Variants in ANKDD1A observed in about 807,000 individuals in gnomAD.
ANKDD1A encodes the protein ankyrin repeat and death domain-containing protein 1A.
A neutral mutation model predicts 63.5 loss-of-function variants in ANKDD1A; 59 were observed. That is an observed-to-expected ratio of 0.93 (90% CI 0.75 to 1.15). ANKDD1A has a LOEUF of 1.15. Ranked by LOEUF, ANKDD1A falls within the 50% of genes most tolerant of loss-of-function variation. The pLI is 0.00. For missense variants in ANKDD1A, 632 were observed against 656.4 expected (o/e 0.96, Z 0.41); for synonymous variants, 266 against 263.9 (o/e 1.01, Z -0.08).
intron 14 of ANKDD1A, among the ~76,000 whole-genome samples, chr15:64,952,120 TTCTC>T (rs1427841598): frequency 9.9e-4 from 9 of 9,118 alleles, no homozygotes; most frequent in East Asian, 0.029. Flanking sequence ...TTCTTCTTTC[TTCTC>T]TTTCTTCTTC....
chr15:64,924,531 C>G (rs2085031755), intron 4 of ANKDD1A, among the ~76,000 whole-genome samples: 1 of 152,252 alleles, frequency 6.6e-6, no homozygotes, highest in Admixed American at 6.5e-5. Flanking sequence ...CCTATAGATG[C>G]CACAGGCCCA....
intron 14 of ANKDD1A, among the ~76,000 whole-genome samples, chr15:64,952,862 T>TCTTC (rs1425661060): frequency 1.6e-3 from 9 of 5,456 alleles, no homozygotes; most frequent in Admixed American, 3.3e-3. Context: ...TTCTCCTTCT[T>TCTTC]CTTTTCTTCT....
intron 14 of ANKDD1A, among the ~76,000 whole-genome samples, chr15:64,951,801 CTCT>C (rs1295459778): frequency 2.3e-4 from 24 of 103,308 alleles, no homozygotes; most frequent in Admixed American, 1.1e-3. Context: ...TCTTTCTTTC[CTCT>C]TTTCTTCTTT....
intron 4 of ANKDD1A, among the ~76,000 whole-genome samples, chr15:64,925,227 CAAAAAAA>C (rs769786433): frequency 2.3e-5 from 1 of 42,598 alleles, no homozygotes; most frequent in Non-Finnish European, 5.2e-5. Context: ...GACTCCGACT[CAAAAAAA>C]AAAAAAAAAA....
intron 13 of ANKDD1A, among the ~76,000 whole-genome samples, chr15:64,948,437 G>A (rs995560130): frequency 6.6e-6 from 1 of 152,122 alleles, no homozygotes; most frequent in Non-Finnish European, 1.5e-5. Context: ...AGAATAAACA[G>A]GGATATAAAA....
intron 12 of ANKDD1A, among the ~76,000 whole-genome samples, chr15:64,945,645 T>TG (rs1467898918): frequency 7.5e-6 from 1 of 132,994 alleles, no homozygotes; most frequent in African/African-American, 2.8e-5. Context: ...CTTTTTTTTT[T>TG]TTTTTGAGAC....
chr15:64,931,351 T>C (rs895681377), intron 7 of ANKDD1A, 136 bp from the exon 8 acceptor site: 1 of 733,654 alleles, frequency 1.4e-6, no homozygotes, highest in African/African-American at 1.8e-5. Context: ...AAGTTCATTG[T>C]TCCCAGGGGC....
At chr15:64,918,953 C>A (rs77017144) in intron 3 of ANKDD1A, among the ~76,000 whole-genome samples, 69 of 132,338 alleles carry the variant, frequency 5.2e-4, no homozygotes, top group African/African-American at 1.3e-3. Context: ...GACTCTGTCT[C>A]AAAAAAAAAA....
In ANKDD1A at chr15:64,921,980, C is replaced by G. The variant is rs1379799483; in HGVS notation, c.327C>G (p.Ile109Met). Reference sequence around the variant, plus strand: ...TCGGCCACTTACGAATCCTCCAGATCTTGGTAAACTCAGGGGCCAAGATCC... The same window carrying G: ...TCGGCCACTTACGAATCCTCCAGATGTTGGTAAACTCAGGGGCCAAGATCC... ...AWFGHLRILQILVNSGAKIHC... is the reference protein window; with the variant it reads ...AWFGHLRILQMLVNSGAKIHC... The change falls in exon 4 of 15, where the codon ATC (isoleucine) becomes ATG (methionine). Residue 109 changes from isoleucine to methionine, a missense_variant. Transcript: ENST00000319580. The G allele has an allele frequency of 9.9e-6, 16 of 1,614,200 alleles. No homozygotes were observed. In the South Asian group the frequency reaches 1.2e-4, roughly 12 times the overall value.
chr15:64,958,396 G>A lies in ANKDD1A; in HGVS notation c.*1208G>A, dbSNP rs553314795. On this transcript the variant is annotated 3_prime_UTR_variant, in exon 15 of 15. Transcript: ENST00000319580. ...ACACTGATGCCAGATGTTAATAATC[G>A]GGGAAACTGTGTGTGCTGAAGAGTA... The A allele has an allele frequency of 6.6e-5, 10 of 152,248 alleles. No homozygotes were observed. Among genetic ancestry groups the A allele is most frequent in the African/African-American group, 1.4e-4 (6 of 41,522 alleles). The allele number at this position is 152,248 out of a possible 1,614,324, so 9.4% of individuals were successfully genotyped here. A position where few individuals can be genotyped will look rare whatever the true frequency, so the allele number is the denominator to read the frequency against.
In ANKDD1A at chr15:64,931,536, G is replaced by A; in HGVS notation, c.719G>A (p.Cys240Tyr). The change falls in exon 8 of 15, where the codon TGT (cysteine) becomes TAT (tyrosine). Residue 240 changes from cysteine to tyrosine, a missense_variant. Cys to Tyr is a radical substitution (Grantham distance 194). Transcript: ENST00000319580. ...GCTGCTGGAGGATCCCACCCTGACT[G>A]TGTGCAGCTCCTCCTCAGGGCTGGG... ...HSAAGGSHPDCVQLLLRAGST... is the reference protein window; with the variant it reads ...HSAAGGSHPDYVQLLLRAGST... 3.7e-6 allele frequency: 6 copies of A among 1,614,116 alleles called. No individual in the cohort carries two copies. The highest frequency in any genetic ancestry group is 5.1e-6 in the Non-Finnish European group (6 of 1,180,016).
intron 10 of ANKDD1A, 106 bp from the exon 11 acceptor site, chr15:64,943,378 G>GCC: frequency 1.1e-6 from 1 of 896,034 alleles, no homozygotes; most frequent in African/African-American, 1.7e-5. Flanking sequence ...CTGCATTAAA[G>GCC]AAAAGACTAG....
intron 8 of ANKDD1A, among the ~76,000 whole-genome samples, chr15:64,933,644 C>A (rs2085106407): frequency 6.6e-6 from 1 of 152,214 alleles, no homozygotes; most frequent in Non-Finnish European, 1.5e-5. Context: ...GAGTTCAAGA[C>A]CAGCCTGGCC....
chr15:64,950,255 C>T, intron 14 of ANKDD1A: 1 of 985,398 alleles, frequency 1.0e-6, no homozygotes. Context: ...CCTTACCAGC[C>T]CTCTATACCT....
chr15:64,922,148 T>G, intron 4 of ANKDD1A, 129 bp downstream of exon 4: 1 of 730,170 alleles, frequency 1.4e-6, no homozygotes, highest in Non-Finnish European at 2.3e-6. Flanking sequence ...CTGTCCCTCT[T>G]TCATCTGATC....
intron 14 of ANKDD1A, among the ~76,000 whole-genome samples, 184 bp from the exon 15 acceptor site, chr15:64,956,919 A>G (rs2140395984): frequency 6.6e-6 from 1 of 152,332 alleles, no homozygotes; most frequent in Admixed American, 6.5e-5. Flanking sequence ...GTTATGATAT[A>G]TGATAGGGAA....
intron 14 of ANKDD1A, among the ~76,000 whole-genome samples, chr15:64,953,380 TTTC>T (rs142108770): frequency 0.92 from 132,760 of 144,860 alleles, 61,579 homozygotes; most frequent in East Asian, 1. Context: ...CTTCTTTTCC[TTTC>T]TTCTTCTTAG....
Position 64,949,846 on chromosome 15 carries a change from A to G in ANKDD1A, c.1357A>G (p.Arg453Gly), listed in dbSNP as rs2085255455. 4 of 1,601,616 alleles carry G rather than the reference A, an allele frequency of 2.5e-6. No individual in the cohort carries two copies. Among genetic ancestry groups the G allele is most frequent in the African/African-American group, 2.7e-5 (2 of 75,048 alleles). ...TCCTCCCTCACTGTTCTCAGGCACC[A>G]GGAGCTATCAGGAGCACGGCCACCG... Reference protein sequence around the residue: ...DAIEQQWTGTRSYQEHGHRML... With the variant: ...DAIEQQWTGTGSYQEHGHRML... Residue 453 changes from arginine (R) to glycine (G), a missense_variant, in exon 14 of 15, where the codon AGG (arginine) becomes GGG (glycine). Physicochemically the swap from Arg to Gly is moderately radical, Grantham distance 125. Transcript: ENST00000319580.
intron 1 of ANKDD1A, chr15:64,914,227 C>G (rs1398431877): frequency 6.6e-6 from 1 of 152,218 alleles, no homozygotes; most frequent in African/African-American, 2.4e-5. Context: ...ACCTCGTGAT[C>G]CATCCACCTC....
Sources: allele counts gnomAD v4.1 joint callset (sites outside exome capture counted in the v4.1 genomes callset), GRCh38; gene constraint gnomAD v4.1.1; transcripts MANE v1.5; gene names NCBI Gene and HGNC (gene_info 2026-07-23, HGNC 2026-07-21).